Variants in NEK7 observed in about 807,000 individuals in gnomAD.
The protein encoded by NEK7 is NIMA related kinase 7.
Under a neutral mutation model 44.6 loss-of-function variants are expected in NEK7, and 18 were observed. The ratio of observed to expected loss-of-function variants is 0.40; its 90% CI spans 0.28 to 0.60. The LOEUF (loss-of-function observed/expected upper bound fraction) is 0.60. Ranked by LOEUF, NEK7 falls within the 20% of genes least tolerant of loss-of-function variation. The probability of loss-of-function intolerance (pLI) is 0.38; values close to 1 mark genes in which losing one functional copy is unlikely to be tolerated. For missense variants in NEK7, 256 were observed against 366.5 expected (o/e 0.70, Z 2.46); for synonymous variants, 130 against 121.1 (o/e 1.07, Z -0.48).
rs375419688 is a variant in NEK7 at position 198,285,951 on chromosome 1, C to G, written c.589+6890C>G. 1.1e-4 allele frequency among the ~76,000 whole-genome samples: 16 copies of G among 152,090 alleles called. No homozygotes were observed. In the East Asian group the frequency reaches 3.1e-3, roughly 29 times the overall value. On this transcript the variant is annotated intron_variant, in intron 7 of 9. Transcript: ENST00000367385. ...GAGCCGTTAGGAAATTTACATCTTT[C>G]TAAATTGGAAAATTCTAAGCAGAGA...
intron 9 of NEK7, among the ~76,000 whole-genome samples, chr1:198,314,722 G>A (rs1655298157): frequency 6.6e-6 from 1 of 152,148 alleles, no homozygotes; most frequent in Non-Finnish European, 1.5e-5. Flanking sequence ...CCTGCAGGGG[G>A]GTGCCTCCCA....
At chr1:198,176,709 G>T (rs1251563282) in intron 1 of NEK7, among the ~76,000 whole-genome samples, 1 of 152,070 alleles carries the variant, frequency 6.6e-6, no homozygotes, top group African/African-American at 2.4e-5. Flanking sequence ...ACAGAGTGAT[G>T]ATGTTTGTGA....
intron 1 of NEK7, among the ~76,000 whole-genome samples, chr1:198,161,493 T>G (rs1040147868): frequency 1.3e-5 from 2 of 152,222 alleles, no homozygotes; most frequent in African/African-American, 4.8e-5. Context: ...TGTGGTGCTA[T>G]GCCATTGATG....
chr1:198,193,408 G>A (rs1422676370), intron 1 of NEK7, among the ~76,000 whole-genome samples: 1 of 152,114 alleles, frequency 6.6e-6, no homozygotes, highest in Admixed American at 6.6e-5. Flanking sequence ...CATTTCTACT[G>A]AAACTATTCC....
At chr1:198,312,386 C>A (rs1458380917) in intron 9 of NEK7, among the ~76,000 whole-genome samples, 2 of 150,886 alleles carry the variant, frequency 1.3e-5, no homozygotes, top group African/African-American at 2.4e-5. Flanking sequence ...TTTCAAAAAA[C>A]CAGCTCCTGG....
At chr1:198,174,363 T>C (rs1664538131) in intron 1 of NEK7, among the ~76,000 whole-genome samples, 1 of 147,508 alleles carries the variant, frequency 6.8e-6, no homozygotes, top group African/African-American at 2.5e-5. Context: ...TTGACGTTTA[T>C]GCTTGGTAAA....
At chr1:198,246,924 T>G (rs1666850574) in intron 2 of NEK7, among the ~76,000 whole-genome samples, 1 of 152,222 alleles carries the variant, frequency 6.6e-6, no homozygotes, top group Admixed American at 6.5e-5. Flanking sequence ...ACTATTCCAG[T>G]GCATCAATAT....
At chr1:198,304,980 C>G (rs1654983777) in intron 9 of NEK7, among the ~76,000 whole-genome samples, 3 of 152,148 alleles carry the variant, frequency 2.0e-5, no homozygotes, top group Admixed American at 1.3e-4. Context: ...ATATTCAGAC[C>G]TTTACTTTTG....
chr1:198,267,804 C>T (rs923036196), intron 5 of NEK7, among the ~76,000 whole-genome samples: 1 of 151,990 alleles, frequency 6.6e-6, no homozygotes, highest in East Asian at 1.9e-4. Context: ...ACCACCCTCA[C>T]CTCTGCCTGC....
chr1:198,159,406 A>G lies in NEK7; in HGVS notation c.-29+2130A>G, dbSNP rs149855753. Among the ~76,000 whole-genome samples, 124 of 152,284 alleles carry G rather than the reference A, an allele frequency of 8.1e-4. 1 individual carries two copies. Among genetic ancestry groups the G allele is most frequent in the African/African-American group, 2.9e-3 (120 of 41,558 alleles). On this transcript the variant is annotated intron_variant, in intron 1 of 9. Coordinates refer to ENST00000367385, the MANE Select transcript of NEK7 (RefSeq NM_133494.3). ...TGCACCTAGAACTTAACTACTACTG[A>G]AAGTTTATAGTAGATTAGAAGCGAA...
intron 9 of NEK7, among the ~76,000 whole-genome samples, chr1:198,311,582 G>C (rs982924406): frequency 4.6e-5 from 7 of 151,888 alleles, no homozygotes; most frequent in African/African-American, 1.7e-4. Context: ...GTTTGTCATA[G>C]ATAGCTCTTA....
At chr1:198,274,408 C>G (rs1653953467) in intron 5 of NEK7, among the ~76,000 whole-genome samples, 1 of 151,688 alleles carries the variant, frequency 6.6e-6, no homozygotes, top group South Asian at 2.1e-4. Context: ...ACCCCAAGTG[C>G]CAGACCTGCA....
At chr1:198,310,440 T>G (rs60071751) in intron 9 of NEK7, among the ~76,000 whole-genome samples, 25,836 of 148,518 alleles carry the variant, frequency 0.17, 3,160 homozygotes, top group African/African-American at 0.32. Flanking sequence ...AGAAGCTCTT[T>G]AGTTTAATTA....
At chr1:198,187,668 C>G (rs1664961077) in intron 1 of NEK7, among the ~76,000 whole-genome samples, 1 of 152,194 alleles carries the variant, frequency 6.6e-6, no homozygotes, top group Non-Finnish European at 1.5e-5. Context: ...GGGACAACAA[C>G]TGAATTCAGT....
chr1:198,222,217 T>C (rs1666093029), intron 1 of NEK7, among the ~76,000 whole-genome samples: 1 of 152,162 alleles, frequency 6.6e-6, no homozygotes, highest in African/African-American at 2.4e-5. Context: ...ATTAGGTTTC[T>C]GGATATATGT....
chr1:198,301,257 A>G lies in NEK7; in HGVS notation c.798+4017A>G, dbSNP rs114780955. 5.3e-3 allele frequency among the ~76,000 whole-genome samples: 815 copies of G among 152,348 alleles called. 10 individuals carry two copies. The highest frequency in any genetic ancestry group is 0.019 in the African/African-American group (777 of 41,584). On this transcript the variant is annotated intron_variant, in intron 9 of 9. Coordinates refer to ENST00000367385, the MANE Select transcript of NEK7 (RefSeq NM_133494.3). ...GTGGTGCCTCAGTGGTTGCTTTAGC[A>G]TAACATTTATGGGCCGGGCGCTGTG...
At chr1:198,250,326 T>C (rs1420053344) in intron 2 of NEK7, among the ~76,000 whole-genome samples, 17 of 150,964 alleles carry the variant, frequency 1.1e-4, no homozygotes, top group South Asian at 4.2e-4. Flanking sequence ...TGCCTCCAGC[T>C]TTGTTCTTTT....
chr1:198,306,424 G>C (rs184481425), intron 9 of NEK7, among the ~76,000 whole-genome samples: 2 of 152,010 alleles, frequency 1.3e-5, no homozygotes, highest in African/African-American at 4.8e-5. Flanking sequence ...TAGTAACCAC[G>C]AGTCAACCTA....
chr1:198,190,209 T>C (rs1010121260), intron 1 of NEK7, among the ~76,000 whole-genome samples: 29 of 152,214 alleles, frequency 1.9e-4, no homozygotes, highest in Admixed American at 1.5e-3. Flanking sequence ...TGAAAACTTA[T>C]CATTTAGTAT....
Sources: allele counts gnomAD v4.1 joint callset (sites outside exome capture counted in the v4.1 genomes callset), GRCh38; gene constraint gnomAD v4.1.1; transcripts MANE v1.5; gene names NCBI Gene and HGNC (gene_info 2026-07-23, HGNC 2026-07-21).